The following METTL16 variants were observed in gnomAD, a reference collection of about 807,000 sequenced individuals.
METTL16 encodes the protein RNA N(6)-adenosine-methyltransferase METTL16.
In METTL16, 19 loss-of-function variants were observed where a neutral mutation model predicts 57.9. That is an observed-to-expected ratio of 0.33 (90% confidence interval 0.23 to 0.48). METTL16 has a LOEUF of 0.48. Ranked by LOEUF, METTL16 falls within the 20% of genes least tolerant of loss-of-function variation. The pLI, the probability that METTL16 is intolerant of heterozygous loss-of-function variation, is 0.99. For synonymous variants in METTL16, 246 were observed against 255.6 expected (o/e 0.96, Z 0.36); for missense variants, 434 against 691.5 (o/e 0.63, Z 4.18).
chr17:2,469,781 A>G (rs1001404964), intron 4 of METTL16, among the ~76,000 whole-genome samples: 1 of 152,170 alleles, frequency 6.6e-6, no homozygotes, highest in African/African-American at 2.4e-5. Context: ...TCGGCCTCCC[A>G]AAGAGCTGGG....
At chr17:2,483,165 G>C (rs982700493) in intron 2 of METTL16, among the ~76,000 whole-genome samples, 1 of 151,886 alleles carries the variant, frequency 6.6e-6, no homozygotes, top group Non-Finnish European at 1.5e-5. Context: ...CAAAAACTAC[G>C]GCTAAAACAA....
chr17:2,450,457 A>T (rs1215998799), intron 6 of METTL16, among the ~76,000 whole-genome samples: 1 of 152,214 alleles, frequency 6.6e-6, no homozygotes, highest in Non-Finnish European at 1.5e-5. Context: ...GTGTGGACAG[A>T]CTGCAGAGGG....
chr17:2,447,548 T>C (rs369756010), intron 6 of METTL16, among the ~76,000 whole-genome samples: 2,051 of 52,938 alleles, frequency 0.039, 3 homozygotes, highest in African/African-American at 0.13. Flanking sequence ...CCCCTCTGCC[T>C]GGCCAGTCGC....
At chr17:2,492,509 A>C (rs2067406403) in intron 2 of METTL16, among the ~76,000 whole-genome samples, 1 of 152,150 alleles carries the variant, frequency 6.6e-6, no homozygotes, top group Non-Finnish European at 1.5e-5. Context: ...CATTCTACAC[A>C]ACTGCTAACC....
chr17:2,501,347 T>C (rs1359136883), intron 2 of METTL16, among the ~76,000 whole-genome samples: 1 of 152,140 alleles, frequency 6.6e-6, no homozygotes. Context: ...GAAGACAGCT[T>C]GAGCCCAGGA....
chr17:2,509,750 T>G (rs894791665), intron 1 of METTL16, among the ~76,000 whole-genome samples: 1 of 151,906 alleles, frequency 6.6e-6, no homozygotes, highest in Admixed American at 6.6e-5. Context: ...CTATCTCTAC[T>G]AAAAATACAA....
In METTL16 at chr17:2,416,977, T is replaced by C. The variant is rs766352389; in HGVS notation, c.*2993A>G. 1 of 151,396 alleles carries C rather than the reference T, an allele frequency of 6.6e-6. No homozygotes were observed. Among genetic ancestry groups the C allele is most frequent in the Non-Finnish European group, 1.5e-5 (1 of 68,088 alleles). The allele number at this position is 151,396 out of a possible 1,614,324, so 9.4% of individuals were successfully genotyped here. ...TCTCACTAGGTAGCCTAAGAAAATCTTCTCAGGGAAGGAAATGGAAACATC... is the reference window on the plus strand; with the variant it reads ...TCTCACTAGGTAGCCTAAGAAAATCCTCTCAGGGAAGGAAATGGAAACATC... On this transcript the variant is annotated 3_prime_UTR_variant, in exon 10 of 10. Coordinates refer to ENST00000263092, the MANE Select transcript of METTL16 (RefSeq NM_024086.4).
intron 6 of METTL16, among the ~76,000 whole-genome samples, chr17:2,451,040 A>C (rs1274054753): frequency 6.6e-6 from 1 of 152,196 alleles, no homozygotes; most frequent in Non-Finnish European, 1.5e-5. Context: ...TCGACCTCAT[A>C]CATTAAATAA....
At chr17:2,507,935 CCTT>C (rs1484970348) in intron 1 of METTL16, among the ~76,000 whole-genome samples, 5 of 152,108 alleles carry the variant, frequency 3.3e-5, no homozygotes, top group African/African-American at 1.2e-4. Context: ...GCAGCATGCT[CCTT>C]AAGAGTCATC....
At chr17:2,485,225 G>A (rs1303854649) in intron 2 of METTL16, among the ~76,000 whole-genome samples, 2 of 152,202 alleles carry the variant, frequency 1.3e-5, no homozygotes. Flanking sequence ...AGCACTCCTT[G>A]AGGATCTAAA....
At chr17:2,451,172 A>G (rs960296280) in intron 6 of METTL16, among the ~76,000 whole-genome samples, 13 of 152,200 alleles carry the variant, frequency 8.5e-5, no homozygotes, top group African/African-American at 3.1e-4. Flanking sequence ...GACCACATCT[A>G]TTTTTGTTTA....
chr17:2,491,539 C>G (rs2044168), intron 2 of METTL16, among the ~76,000 whole-genome samples: 120,207 of 152,030 alleles, frequency 0.79, 49,342 homozygotes, highest in Non-Finnish European at 0.89. Flanking sequence ...GTACAGTCTA[C>G]CCAGCATGAT....
rs2067372257 is a variant in METTL16, at chr17:2,489,772, A to G, written c.129-11887T>C. On this transcript the variant is annotated intron_variant, in intron 2 of 9. Coordinates refer to ENST00000263092, the MANE Select transcript of METTL16 (RefSeq NM_024086.4). ...AAACGAATACTGCGATTTCCTAGCAATGCCCAGTGACTTACCCTAAATTCA... is the reference window on the plus strand; with the variant it reads ...AAACGAATACTGCGATTTCCTAGCAGTGCCCAGTGACTTACCCTAAATTCA... Among the ~76,000 whole-genome samples, 3 of 146,580 alleles carry G rather than the reference A, an allele frequency of 2.0e-5. No homozygotes were observed. The South Asian group carries it at 6.5e-4, about 32-fold the overall frequency.
At position 2,433,991 on chromosome 17, in the gene METTL16, G is replaced by A. The variant is rs79296283; in HGVS notation, c.888+4118C>T. Among the ~76,000 whole-genome samples the A allele has an allele frequency of 5.2e-3, 793 of 152,184 alleles. 8 individuals are homozygous for A. Among genetic ancestry groups the A allele is most frequent in the African/African-American group, 0.018 (752 of 41,494 alleles). On this transcript the variant is annotated intron_variant, in intron 8 of 9. Transcript: ENST00000263092. ...TGCAGATCGGGATCAATAGCTCCAC[G>A]TGTTTTTCTTTCCTATAAAACTCAT...
intron 2 of METTL16, among the ~76,000 whole-genome samples, chr17:2,489,739 A>AAAAAAAAAAG: frequency 6.7e-6 from 1 of 149,924 alleles, no homozygotes; most frequent in East Asian, 1.9e-4. Flanking sequence ...ACTCAAAAAA[A>AAAAAAAAAAG]AAAAAAAAAA....
At chr17:2,482,120 C>T (rs7222158) in intron 2 of METTL16, among the ~76,000 whole-genome samples, 41,543 of 152,032 alleles carry the variant, frequency 0.27, 6,659 homozygotes, top group African/African-American at 0.45. Flanking sequence ...AGAGTTTTCA[C>T]GAGCTCTTTG....
intron 1 of METTL16, among the ~76,000 whole-genome samples, chr17:2,507,837 G>T (rs1195957124): frequency 6.6e-6 from 1 of 152,196 alleles, no homozygotes; most frequent in Non-Finnish European, 1.5e-5. Context: ...CCCCAACCCT[G>T]TGCTCTCTGA....
intron 8 of METTL16, among the ~76,000 whole-genome samples, chr17:2,423,368 C>T (rs1317656521): frequency 6.6e-6 from 1 of 151,238 alleles, no homozygotes; most frequent in African/African-American, 2.4e-5. Context: ...TGAACTTGTT[C>T]AATTATGTTT....
At chr17:2,502,674 G>C (rs1416917964) in intron 1 of METTL16, among the ~76,000 whole-genome samples, 1 of 151,728 alleles carries the variant, frequency 6.6e-6, no homozygotes, top group Non-Finnish European at 1.5e-5. Flanking sequence ...GGCAACAAGA[G>C]CGAAACTCCG....
Sources: allele counts gnomAD v4.1 joint callset (sites outside exome capture counted in the v4.1 genomes callset), GRCh38; gene constraint gnomAD v4.1.1; transcripts MANE v1.5; gene names NCBI Gene and HGNC (gene_info 2026-07-23, HGNC 2026-07-21).